Variants in DAB1 observed in about 807,000 individuals in gnomAD.
DAB1 encodes DAB adaptor protein 1, also known as disabled homolog 1.
A neutral mutation model predicts 64.6 loss-of-function variants in DAB1; 15 were observed. The ratio of observed to expected loss-of-function variants is 0.23; its 90% confidence interval spans 0.16 to 0.36. The LOEUF (loss-of-function observed/expected upper bound fraction) is 0.36, where lower values mean the gene tolerates loss of function less well. Ranked by LOEUF, DAB1 falls within the 10% of genes least tolerant of loss-of-function variation. The pLI is 1.00. For missense variants in DAB1, 596 were observed against 706.7 expected, an observed-to-expected ratio of 0.84 and a Z score of 1.78; for synonymous variants, 235 against 251.9, an observed-to-expected ratio of 0.93 and a Z score of 0.64.
intron 4 of DAB1, among the ~76,000 whole-genome samples, chr1:58,257,103 A>C (rs7536463): frequency 0.027 from 4,180 of 152,292 alleles, 216 homozygotes; most frequent in African/African-American, 0.096. Context: ...TGTTCCATTT[A>C]ACCCTTCCTT....
chr1:57,670,171 C>T (rs1646494068), intron 6 of DAB1, among the ~76,000 whole-genome samples: 1 of 152,122 alleles, frequency 6.6e-6, no homozygotes, highest in Non-Finnish European at 1.5e-5. Context: ...AGAGGTGCAG[C>T]ACTACTTATT....
chr1:57,695,448 A>G lies in DAB1; in HGVS notation n.552-45783T>C, dbSNP rs559982023. The stretch of plus-strand genomic sequence containing the variant: ...AGAAAGAAAGAAAAAAGAAGAAAAG[A>G]GCCAATTAAGTCTGTATGTCTGTAT... On this transcript the variant is annotated intron_variant and non_coding_transcript_variant, in intron 6 of 20. Transcript: ENST00000485760. Among the ~76,000 whole-genome samples, 199 of 152,070 alleles carry G rather than the reference A, an allele frequency of 1.3e-3. 3 individuals carry two copies. The highest frequency in any genetic ancestry group is 8.2e-3 in the South Asian group (39 of 4,782).
chr1:57,643,013 TG>T (rs1221897750), intron 7 of DAB1, among the ~76,000 whole-genome samples: 3 of 152,136 alleles, frequency 2.0e-5, no homozygotes, highest in African/African-American at 7.2e-5. Flanking sequence ...GGGAGGACAA[TG>T]GGGGAACAGC....
At chr1:57,792,899 G>C (rs1344848641) in intron 6 of DAB1, among the ~76,000 whole-genome samples, 1 of 152,186 alleles carries the variant, frequency 6.6e-6, no homozygotes, top group Admixed American at 6.5e-5. Context: ...AAATGTATTT[G>C]AACCATTAAC....
chr1:58,388,221 T>G (rs338935), intron 3 of DAB1, among the ~76,000 whole-genome samples: 33,006 of 152,004 alleles, frequency 0.22, 3,967 homozygotes, highest in African/African-American at 0.32. Context: ...TTCTGAGCTC[T>G]GACACCACTC....
intron 1 of DAB1, among the ~76,000 whole-genome samples, chr1:57,303,988 G>A (rs577134862): frequency 1.1e-4 from 17 of 152,288 alleles, no homozygotes; most frequent in Admixed American, 2.6e-4. Flanking sequence ...TCTGATGCAC[G>A]TAACTATACC....
chr1:58,048,775 T>G, intron 5 of DAB1: 1 of 1,207,290 alleles, frequency 8.3e-7, no homozygotes, highest in Non-Finnish European at 1.2e-6. Context: ...TTCACAGTTG[T>G]GGCCATTCAC....
chr1:57,378,152 G>A (rs570569805), intron 1 of DAB1, among the ~76,000 whole-genome samples: 6 of 152,144 alleles, frequency 3.9e-5, no homozygotes, highest in Non-Finnish European at 5.9e-5. Flanking sequence ...GGCAGGGTCT[G>A]GAGGGACAAA....
intron 3 of DAB1, among the ~76,000 whole-genome samples, chr1:58,453,239 A>G (rs887719065): frequency 6.6e-6 from 1 of 151,906 alleles, no homozygotes; most frequent in African/African-American, 2.4e-5. Flanking sequence ...AGTGTGAAGC[A>G]CTCAAAGCAA....
At chr1:57,846,143 T>C (rs1479847798) in intron 1 of DAB1, among the ~76,000 whole-genome samples, 1 of 152,136 alleles carries the variant, frequency 6.6e-6, no homozygotes, top group East Asian at 1.9e-4. Flanking sequence ...GCAAATCATT[T>C]CAGAACTTGG....
rs529765026 is a variant in DAB1, at chr1:57,714,102, T to C, written n.552-64437A>G. On this transcript the variant is annotated intron_variant and non_coding_transcript_variant, in intron 6 of 20. Coordinates refer to the DAB1 transcript ENST00000485760. ...ATGATAAACAAATACAATAAAGTTA[T>C]ACAGATAAGAACTAAAATATATCAA... Among the ~76,000 whole-genome samples the C allele has an allele frequency of 1.3e-3, 201 of 152,304 alleles. 1 individual carries two copies. Among genetic ancestry groups the C allele is most frequent in the African/African-American group, 4.2e-3 (173 of 41,566 alleles).
chr1:57,294,283 T>A (rs905001484), intron 1 of DAB1, among the ~76,000 whole-genome samples: 1 of 152,294 alleles, frequency 6.6e-6, no homozygotes, highest in African/African-American at 2.4e-5. Flanking sequence ...CTGCAGTAAT[T>A]TAATATTCCT....
At chr1:57,714,184 C>T (rs538230671) in intron 6 of DAB1, among the ~76,000 whole-genome samples, 6 of 151,314 alleles carry the variant, frequency 4.0e-5, no homozygotes, top group African/African-American at 1.2e-4. Flanking sequence ...TTACACGTTA[C>T]CTCATTTAAT....
downstream of DAB1, among the ~76,000 whole-genome samples, chr1:57,823,218 C>T (rs538606576): frequency 2.0e-5 from 3 of 151,902 alleles, no homozygotes; most frequent in Middle Eastern, 3.4e-3. Context: ...CTCCTGACCT[C>T]GTGATCCGCC....
intron 1 of DAB1, among the ~76,000 whole-genome samples, chr1:57,304,965 C>T (rs183601578): frequency 6.6e-6 from 1 of 152,332 alleles, no homozygotes; most frequent in African/African-American, 2.4e-5. Context: ...TATAAGCAGA[C>T]TGGGTTGGTC....
rs74333892 is a variant in DAB1 at position 57,932,987 on chromosome 1, C to T, written n.388-48825G>A. Among the ~76,000 whole-genome samples the T allele has an allele frequency of 1.8e-4, 28 of 152,202 alleles. No individual in the cohort carries two copies. The East Asian group carries it at 5.0e-3, about 27-fold the overall frequency. ...AGATCTTATTAGGAAGAACAGAATG[C>T]CCTGGCATTTTTCAAAATGGCTCCT... On this transcript the variant is annotated intron_variant and non_coding_transcript_variant, in intron 5 of 20. Coordinates refer to the DAB1 transcript ENST00000485760.
chr1:57,331,844 C>CA (rs1231959910), intron 1 of DAB1, among the ~76,000 whole-genome samples: 2 of 152,336 alleles, frequency 1.3e-5, no homozygotes, highest in African/African-American at 4.8e-5. Flanking sequence ...TCATAAAGAA[C>CA]AAACACTACA....
chr1:57,506,273 T>C (rs1022987185), intron 7 of DAB1, among the ~76,000 whole-genome samples: 1 of 151,760 alleles, frequency 6.6e-6, no homozygotes, highest in Non-Finnish European at 1.5e-5. Context: ...ATTGAAGAAC[T>C]GATCATCTGG....
intron 1 of DAB1, chr1:57,860,715 A>G (rs1264345791): frequency 6.6e-6 from 1 of 152,232 alleles, no homozygotes; most frequent in East Asian, 1.9e-4. Flanking sequence ...TTGCAATAAC[A>G]GCATAAATAT....
Sources: allele counts gnomAD v4.1 joint callset (sites outside exome capture counted in the v4.1 genomes callset), GRCh38; gene constraint gnomAD v4.1.1; transcripts MANE v1.5; gene names NCBI Gene and HGNC (gene_info 2026-07-23, HGNC 2026-07-21).